Variants in CDK19 observed in about 807,000 individuals in gnomAD.
The protein encoded by CDK19 is cyclin-dependent kinase 19.
Under a neutral mutation model 68.3 loss-of-function variants are expected in CDK19, and 20 were observed. That is an observed-to-expected ratio of 0.29 (90% CI 0.21 to 0.43). CDK19 has a LOEUF of 0.43. CDK19 is among the 20% of genes least tolerant of loss of function. The probability of loss-of-function intolerance (pLI) is 1.00; values close to 1 mark genes in which losing one functional copy is unlikely to be tolerated. For missense variants in CDK19, 339 were observed against 623.5 expected, an observed-to-expected ratio of 0.54 and a Z score of 4.86; for synonymous variants, 221 against 222.8, an observed-to-expected ratio of 0.99 and a Z score of 0.07.
intron 1 of CDK19, chr6:110,813,189 G>A (rs1047310694): frequency 2.6e-5 from 4 of 151,906 alleles, no homozygotes; most frequent in Non-Finnish European, 5.9e-5. Flanking sequence ...TATTAGAGGG[G>A]AAAAATATTC....
At chr6:110,755,967 A>G (rs914667195) in intron 1 of CDK19, among the ~76,000 whole-genome samples, 5 of 152,134 alleles carry the variant, frequency 3.3e-5, no homozygotes, top group East Asian at 1.9e-4. Flanking sequence ...AAAAAAATAT[A>G]TATCTATTAT....
At chr6:110,814,970 G>A (rs371061693) in intron 1 of CDK19, 39 bp downstream of exon 1, 7 of 1,597,028 alleles carry the variant, frequency 4.4e-6, no homozygotes, top group African/African-American at 2.8e-5. Context: ...GGCAGGGCGA[G>A]GACCCGAGCG....
At chr6:110,737,522 A>C (rs1348703937) in intron 2 of CDK19, among the ~76,000 whole-genome samples, 2 of 152,168 alleles carry the variant, frequency 1.3e-5, no homozygotes, top group Non-Finnish European at 2.9e-5. Flanking sequence ...ATGACTTAAC[A>C]GGCATAGTAG....
rs144140127 is a variant in CDK19, at chr6:110,716,689, G to T, written c.204+29437C>A. Among the ~76,000 whole-genome samples, 533 of 152,124 alleles carry T rather than the reference G, an allele frequency of 3.5e-3. 3 individuals carry two copies. The highest frequency in any genetic ancestry group is 6.1e-3 in the Non-Finnish European group (413 of 67,986). ...ACAGTGCTCAGGTAATTTCATAAGG[G>T]ATATATAGATATAGATATATAGAGA... is the stretch of plus-strand genomic sequence containing the variant. On this transcript the variant is annotated intron_variant, in intron 2 of 12. Transcript: ENST00000368911.
chr6:110,695,126 TAAAGGGG>T (rs61287960), intron 2 of CDK19, among the ~76,000 whole-genome samples: 2,961 of 143,608 alleles, frequency 0.021, 100 homozygotes, highest in African/African-American at 0.072. Flanking sequence ...GGAGAAAGGG[TAAAGGGG>T]AAAGGGGAAA....
At chr6:110,624,526 T>G (rs1282569516) in intron 8 of CDK19, among the ~76,000 whole-genome samples, 1 of 152,070 alleles carries the variant, frequency 6.6e-6, no homozygotes, top group Admixed American at 6.5e-5. Flanking sequence ...CTGACAAAAT[T>G]TTTATAATGT....
chr6:110,632,117 G>A lies in CDK19; in HGVS notation c.559C>T (p.Leu187=). The A allele has an allele frequency of 6.2e-7, 1 of 1,613,650 alleles. No homozygotes were observed. Among genetic ancestry groups the A allele is most frequent in the African/African-American group, 1.3e-5 (1 of 75,016 alleles). ...ACAACTACTGGATCCAAATCTGCTA[G>A]TGGCTTTAGAGGAGAATTGAATAAT... ...ARLFNSPLKP[L]ADLDPVVVTF... The change falls in exon 6 of 13, where the codon CTA becomes TTA. Residue 187 remains leucine, a synonymous_variant. Coordinates refer to ENST00000368911, the MANE Select transcript of CDK19 (RefSeq NM_015076.5).
chr6:110,759,450 T>TATAA lies in CDK19; in HGVS notation c.129-13250_129-13249insTTAT, dbSNP rs1316358539. 2.9e-3 allele frequency among the ~76,000 whole-genome samples: 331 copies of TATAA among 114,260 alleles called. 7 individuals carry two copies. Among genetic ancestry groups the TATAA allele is most frequent in the African/African-American group, 0.011 (308 of 28,546 alleles). 75.0% of individuals were successfully genotyped at this position (114,260 alleles called of 152,430 possible). A position where few individuals can be genotyped will look rare whatever the true frequency, so the allele number is the denominator to read the frequency against. On this transcript the variant is annotated intron_variant, in intron 1 of 12. Transcript: ENST00000368911. ...AAAAATATATATATATATATATATA[T>TATAA]AAATTAGCCAGGCATAGTAGCACAT... is the stretch of plus-strand genomic sequence containing the variant.
rs950526035 is a variant in CDK19 at position 110,614,446 on chromosome 6, T to C, written c.*89A>G. 2.3e-6 allele frequency: 3 copies of C among 1,284,786 alleles called. No homozygotes were observed. Among genetic ancestry groups the C allele is most frequent in the Non-Finnish European group, 3.3e-6 (3 of 913,250 alleles). 79.6% of individuals were successfully genotyped at this position (1,284,786 alleles called of 1,614,324 possible). On this transcript the variant is annotated 3_prime_UTR_variant, in exon 13 of 13. Transcript: ENST00000368911. ...TGTGTATGAGTTTTAAATGGCATCA[T>C]AGTTTGCATTTTTTTGGTTCTTTTC...
intron 4 of CDK19, among the ~76,000 whole-genome samples, chr6:110,641,640 G>A (rs1780181325): frequency 7.6e-6 from 1 of 131,332 alleles, no homozygotes; most frequent in Admixed American, 7.5e-5. Context: ...AGGAGGAAAG[G>A]GAAAGAAAGG....
intron 2 of CDK19, among the ~76,000 whole-genome samples, chr6:110,674,640 C>T (rs1771325066): frequency 6.6e-6 from 1 of 152,194 alleles, no homozygotes; most frequent in South Asian, 2.1e-4. Flanking sequence ...AGGTGGCTCA[C>T]GCCTATAATC....
chr6:110,791,354 A>C (rs1219315489), intron 1 of CDK19, among the ~76,000 whole-genome samples: 1 of 152,122 alleles, frequency 6.6e-6, no homozygotes, highest in African/African-American at 2.4e-5. Flanking sequence ...CATACTCACA[A>C]GAATAACTGC....
intron 2 of CDK19, chr6:110,700,440 T>C (rs932496413): frequency 2.0e-5 from 3 of 151,208 alleles, no homozygotes; most frequent in African/African-American, 7.3e-5. Flanking sequence ...AAATTCAGCT[T>C]TTTTTTTTGA....
At position 110,614,653 on chromosome 6, in the gene CDK19, C is replaced by A; in HGVS notation, c.1391G>T (p.Arg464Leu). Residue 464 changes from arginine (R) to leucine (L), a missense_variant, in exon 13 of 13, where the codon CGC (arginine) becomes CTC (leucine). By Grantham distance (102) the Arg-to-Leu change is moderately radical (BLOSUM62 -2). Transcript: ENST00000368911. ...MPSDYQHSSS[R>L]LNYQSSVQGS... ...CTGAACGCTGCTTTGGTAATTCAGG[C>A]GAGAACTGGAGTGCTAGGAGAAGGA... 6.2e-7 allele frequency: 1 copy of A among 1,613,666 alleles called. No individual in the cohort carries two copies. The highest frequency in any genetic ancestry group is 8.5e-7 in the Non-Finnish European group (1 of 1,179,830).
chr6:110,795,616 C>T (rs2115088083), intron 1 of CDK19, among the ~76,000 whole-genome samples: 1 of 152,212 alleles, frequency 6.6e-6, no homozygotes, highest in East Asian at 1.9e-4. Context: ...TACTAAGAGC[C>T]TTAAACAACT....
chr6:110,748,833 T>G (rs559161853), intron 1 of CDK19, among the ~76,000 whole-genome samples: 1 of 152,350 alleles, frequency 6.6e-6, no homozygotes, highest in South Asian at 2.1e-4. Context: ...CCTCACAGCT[T>G]AGATGTTTCA....
chr6:110,777,805 G>A (rs811676), intron 1 of CDK19, among the ~76,000 whole-genome samples: 23,812 of 152,168 alleles, frequency 0.16, 2,083 homozygotes, highest in East Asian at 0.32. Flanking sequence ...CAGAATATTA[G>A]CCATAAAAAG....
intron 1 of CDK19, among the ~76,000 whole-genome samples, chr6:110,750,392 G>C (rs1206042592): frequency 6.6e-6 from 1 of 152,150 alleles, no homozygotes; most frequent in African/African-American, 2.4e-5. Flanking sequence ...CTTCATGACA[G>C]AGGGGTAATA....
At chr6:110,736,854 A>G (rs1777287421) in intron 2 of CDK19, among the ~76,000 whole-genome samples, 2 of 152,216 alleles carry the variant, frequency 1.3e-5, no homozygotes, top group East Asian at 1.9e-4. Context: ...CTCTGCATTT[A>G]TATCACTAGC....
Sources: gnomAD v4.1 joint callset for allele counts (sites outside exome capture counted in the v4.1 genomes callset) on GRCh38, gnomAD v4.1.1 for gene constraint, MANE v1.5 for transcripts, NCBI Gene and HGNC (gene_info 2026-07-23, HGNC 2026-07-21) for gene names.